Variants in GALNT3 observed in about 807,000 individuals in gnomAD.
GALNT3 encodes polypeptide N-acetylgalactosaminyltransferase 3.
A neutral mutation model predicts 69.8 loss-of-function variants in GALNT3; 51 were observed. The observed-to-expected ratio is 0.73, with a 90% CI of 0.58 to 0.92. GALNT3 has a LOEUF of 0.92. GALNT3 is among the 40% of genes least tolerant of loss of function. The pLI, the probability that GALNT3 is intolerant of heterozygous loss-of-function variation, is 0.00. For missense variants in GALNT3, 711 were observed against 760.0 expected (o/e 0.94, Z 0.76); for synonymous variants, 265 against 248.5 (o/e 1.07, Z -0.63).
chr2:165,772,863 C>T (rs1368031704), intron 1 of GALNT3, among the ~76,000 whole-genome samples: 1 of 152,148 alleles, frequency 6.6e-6, no homozygotes, highest in South Asian at 2.1e-4. Context: ...CATAAAAACC[C>T]TTGTGCATCT....
chr2:165,757,210 C>A lies in GALNT3; in HGVS notation c.1229G>T (p.Cys410Phe). ...QCGGQLEIMP[C>F]SVVGHVFRSK... ...GCGAAAAACATGTCCAACAACAGAG[C>A]AAGGCATAATCTCCAACTGCCCACC... The change falls in exon 7 of 11, where the codon TGC (cysteine) becomes TTC (phenylalanine). Residue 410 changes from cysteine to phenylalanine, a missense_variant. By Grantham distance (205) the Cys-to-Phe change is radical. Coordinates refer to ENST00000392701, the MANE Select transcript of GALNT3 (RefSeq NM_004482.4). 6.2e-7 allele frequency: 1 copy of A among 1,614,050 alleles called. No homozygotes were observed. The highest frequency in any genetic ancestry group is 8.5e-7 in the Non-Finnish European group (1 of 1,179,932).
intron 1 of GALNT3, among the ~76,000 whole-genome samples, chr2:165,777,167 A>G (rs1339773178): frequency 6.6e-6 from 1 of 152,196 alleles, no homozygotes; most frequent in Admixed American, 6.5e-5. Context: ...CAACTCCAGA[A>G]GTTTAAAGTC....
chr2:165,765,547 T>C (rs772352061), intron 2 of GALNT3, among the ~76,000 whole-genome samples: 51 of 152,092 alleles, frequency 3.4e-4, no homozygotes, highest in Non-Finnish European at 6.9e-4. Context: ...TGGAGTGCAG[T>C]GGCACGATCT....
At chr2:165,763,046 A>C (rs1191226769) in intron 3 of GALNT3, among the ~76,000 whole-genome samples, 1 of 151,192 alleles carries the variant, frequency 6.6e-6, no homozygotes, top group Non-Finnish European at 1.5e-5. Flanking sequence ...AGCTATTTGC[A>C]GGCCTCAGCC....
chr2:165,788,576 A>G (rs962032988), intron 1 of GALNT3, among the ~76,000 whole-genome samples: 5 of 151,548 alleles, frequency 3.3e-5, no homozygotes, highest in African/African-American at 9.7e-5. Flanking sequence ...TACACAGGAC[A>G]CCTCACCCTG....
rs200762567 is a variant in GALNT3 at position 165,770,363 on chromosome 2, C to T, written c.338G>A (p.Arg113His). The T allele has an allele frequency of 4.4e-5, 71 of 1,613,988 alleles. No homozygotes were observed. The highest frequency in any genetic ancestry group is 6.7e-5 in the East Asian group (3 of 44,894). Residue 113 changes from arginine to histidine, a missense_variant, in exon 2 of 11, where the codon CGT (arginine) becomes CAT (histidine). Arg to His is a conservative substitution (Grantham distance 29). Coordinates refer to ENST00000392701, the MANE Select transcript of GALNT3 (RefSeq NM_004482.4). ...AGGTGCATTTGAATCCTGAGGTGGA[C>T]GGTCAAGGACAGGCTTCAATTCTGC... ...TAAELKPVLD[R>H]PPQDSNAPGA...
At chr2:165,770,056 G>A in intron 2 of GALNT3, 130 bp downstream of exon 2, 3 of 1,021,732 alleles carry the variant, frequency 2.9e-6, no homozygotes, top group African/African-American at 1.6e-5. Flanking sequence ...AATACAACAG[G>A]TTAAATAAAC....
intron 2 of GALNT3, 37 bp from the exon 3 acceptor site, chr2:165,765,093 AT>A (rs770585973): frequency 5.8e-5 from 87 of 1,507,738 alleles, no homozygotes; most frequent in Admixed American, 2.5e-4. Context: ...ACAATTACAA[AT>A]TTTATTATTT....
At chr2:165,794,256 C>G (rs1226995410), upstream of GALNT3, 1 of 152,500 alleles carries the variant, frequency 6.6e-6, no homozygotes, top group Non-Finnish European at 1.5e-5. Flanking sequence ...CTCCAGCCTG[C>G]GACGTCGGCA....
intron 1 of GALNT3, among the ~76,000 whole-genome samples, chr2:165,791,300 A>C (rs1193533220): frequency 6.6e-6 from 1 of 151,990 alleles, no homozygotes. Context: ...TATGAGACAG[A>C]GAAAAAGAAA....
chr2:165,788,316 CAAAA>C (rs59428597), intron 1 of GALNT3, among the ~76,000 whole-genome samples: 1,490 of 49,318 alleles, frequency 0.03, 39 homozygotes, highest in Admixed American at 0.13. Context: ...GACATCACCT[CAAAA>C]AAAAAAAAAA....
rs149612790 is a variant in GALNT3, at chr2:165,770,650, A to C, written c.51T>G (p.His17Gln). 1 of 1,601,398 alleles carries C rather than the reference A, an allele frequency of 6.2e-7. No individual in the cohort carries two copies. Among genetic ancestry groups the C allele is most frequent in the African/African-American group, 1.3e-5 (1 of 74,176 alleles). ...LVKLHIKRHY[H>Q]KKFWKLGAVI... ...CTGCACCAAGCTTCCAGAACTTTTT[A>C]TGGTAATGTCTTTTAATGTGTAATT... Residue 17 changes from histidine to glutamine, a missense_variant, in exon 2 of 11, where the codon CAT becomes CAG. Coordinates refer to ENST00000392701, the MANE Select transcript of GALNT3 (RefSeq NM_004482.4).
chr2:165,783,865 T>C (rs2105228313), intron 1 of GALNT3, among the ~76,000 whole-genome samples: 1 of 152,220 alleles, frequency 6.6e-6, no homozygotes, highest in Non-Finnish European at 1.5e-5. Flanking sequence ...TTTTTTCAAG[T>C]CTTCCATAAC....
Position 165,770,445 on chromosome 2 carries a change from C to T in GALNT3, c.256G>A (p.Val86Ile). 1 of 1,614,236 alleles carries T rather than the reference C, an allele frequency of 6.2e-7. No homozygotes were observed. The highest frequency in any genetic ancestry group is 1.3e-5 in the African/African-American group (1 of 75,068). Reference protein sequence around the residue: ...AMPKMQIGAPVRQNIDAGERP... With the variant: ...AMPKMQIGAPIRQNIDAGERP... The stretch of plus-strand genomic sequence containing the variant: ...TCACCAGCATCAATGTTTTGCCTGA[C>T]AGGTGCTCCTATTTGCATTTTTGGC... Residue 86 changes from valine to isoleucine, a missense_variant, in exon 2 of 11, where the codon GTC (valine) becomes ATC (isoleucine). By Grantham distance (29) the Val-to-Ile change is conservative. Transcript: ENST00000392701.
Position 165,770,479 on chromosome 2 carries a change from CT to C in GALNT3, c.221del (p.Lys74ArgfsTer9), listed in dbSNP as rs761267947. On this transcript the variant is annotated frameshift_variant, in exon 2 of 11. Transcript: ENST00000392701. LOFTEE classifies it high-confidence loss of function. ...DLMLEAVNNI[K>X]DAMPKMQIGA... ...CTATTTGCATTTTTGGCATGGCATC[CT>C]TAATATTGTTTACAGCTTCTAGCAT... 1.9e-6 allele frequency: 3 copies of C among 1,614,198 alleles called. No individual in the cohort carries two copies. In the East Asian group the frequency reaches 6.7e-5, roughly 36 times the overall value.
At chr2:165,753,783 A>T (rs1005320614) in intron 9 of GALNT3, among the ~76,000 whole-genome samples, 2 of 152,242 alleles carry the variant, frequency 1.3e-5, no homozygotes, top group African/African-American at 4.8e-5. Context: ...AATAGTCAAA[A>T]GGTAGTAAAG....
In GALNT3 at chr2:165,748,357, T is replaced by C. The variant is rs1004863950; in HGVS notation, c.*424A>G. ...ACACAGAGGCCAATGCTGACATTTA[T>C]TGATCTATTTTTATGTAGTTAAAAA... is the stretch of plus-strand genomic sequence containing the variant. On this transcript the variant is annotated 3_prime_UTR_variant, in exon 11 of 11. Transcript: ENST00000392701. 10 of 243,850 alleles carry C rather than the reference T, an allele frequency of 4.1e-5. No homozygotes were observed. Among genetic ancestry groups the C allele is most frequent in the African/African-American group, 2.2e-4 (10 of 44,742 alleles). The allele number at this position is 243,850 out of a possible 1,614,324, so 15.1% of individuals were successfully genotyped here.
At position 165,748,619 on chromosome 2, in the gene GALNT3, A is replaced by C; in HGVS notation, c.*162T>G. 1 of 645,864 alleles carries C rather than the reference A, an allele frequency of 1.5e-6. No homozygotes were observed. Among genetic ancestry groups the C allele is most frequent in the Non-Finnish European group, 2.6e-6 (1 of 378,670 alleles). 40.0% of individuals were successfully genotyped at this position (645,864 alleles called of 1,614,324 possible). ...TGTGCTTTGAAACAGAAACTTGCAG[A>C]ATTTCTGTAGTAGTGCTACATAAAG... On this transcript the variant is annotated 3_prime_UTR_variant, in exon 11 of 11. Transcript: ENST00000392701.
chr2:165,784,760 C>T (rs1396288830), intron 1 of GALNT3, among the ~76,000 whole-genome samples: 3 of 152,004 alleles, frequency 2.0e-5, no homozygotes, highest in Non-Finnish European at 4.4e-5. Context: ...GACAAGAGGC[C>T]AGTGAAACTA....
Sources: gnomAD v4.1 joint callset for allele counts (sites outside exome capture counted in the v4.1 genomes callset) on GRCh38, gnomAD v4.1.1 for gene constraint, MANE v1.5 for transcripts, NCBI Gene and HGNC (gene_info 2026-07-23, HGNC 2026-07-21) for gene names.